SRPK3: variants seen among roughly 807,000 people sequenced by gnomAD.
SRPK3 encodes the protein SRSF protein kinase 3.
Under a neutral mutation model 45.3 loss-of-function variants are expected in SRPK3, and 26 were observed. That is an observed-to-expected ratio of 0.57 (90% CI 0.42 to 0.80). The LOEUF is 0.80. SRPK3 is among the 30% of genes least tolerant of loss of function. The probability of loss-of-function intolerance (pLI) is 0.00; values close to 1 mark genes in which losing one functional copy is unlikely to be tolerated. For synonymous variants in SRPK3, 254 were observed against 226.6 expected, an observed-to-expected ratio of 1.12 and a Z score of -1.09; for missense variants, 536 against 514.5, an observed-to-expected ratio of 1.04 and a Z score of -0.40.
At chrX:153,783,272 C>T (rs1176349038) in intron 8 of SRPK3, 21 bp downstream of exon 8, 24 of 1,163,604 alleles carry the variant, frequency 2.1e-5, no homozygotes, top group Non-Finnish European at 2.7e-5. Flanking sequence ...GGGCCCCTCT[C>T]TCCCATGCCT....
At chrX:153,783,277 A>G (rs782798674) in intron 8 of SRPK3, 26 bp downstream of exon 8, 9 of 1,144,331 alleles carry the variant, frequency 7.9e-6, no homozygotes, top group Non-Finnish European at 1.1e-5. Flanking sequence ...CCTCTCTCCC[A>G]TGCCTCCTCT....
In SRPK3 at chrX:153,785,532, G is replaced by A. The variant is rs782510646; in HGVS notation, c.*12G>A. ...GGCTCAACCCCTAGGCCCGGCTGTG[G>A]CTCCACCTCCAGCTCTCCGTGCCTT... On this transcript the variant is annotated 3_prime_UTR_variant, in exon 15 of 15. Transcript: ENST00000370101. 1 of 1,198,850 alleles carries A rather than the reference G, an allele frequency of 8.3e-7. No individual in the cohort carries two copies. Among genetic ancestry groups the A allele is most frequent in the African/African-American group, 1.7e-5 (1 of 57,660 alleles).
Position 153,783,264 on chromosome X carries a change from G to A in SRPK3, c.774+13G>A, listed in dbSNP as rs781963028. On this transcript the variant is annotated intron_variant, in intron 8 of 14. Transcript: ENST00000370101. The stretch of plus-strand genomic sequence containing the variant: ...CCAGGAGGTCTTGGTAAGTTGGGGG[G>A]CCCCTCTCTCCCATGCCTCCTCTCC... 3.4e-6 allele frequency: 4 copies of A among 1,190,143 alleles called. No homozygotes were observed. Among genetic ancestry groups the A allele is most frequent in the Admixed American group, 2.2e-5 (1 of 44,996 alleles).
At chrX:153,782,245 C>T (rs1397255518) in intron 5 of SRPK3, 37 bp downstream of exon 5, 1 of 1,121,879 alleles carries the variant, frequency 8.9e-7, no homozygotes, top group Non-Finnish European at 1.2e-6. Flanking sequence ...GTGTGGCAGC[C>T]AAGGGCCGGC....
rs782091788 is a variant in SRPK3 at position 153,785,392 on chromosome X, G to A, written c.1576G>A (p.Glu526Lys). ...KHWGLYEVLM[E>K]KYEWPLEQAT... ...CTGGGGCCTGTACGAGGTACTCATGGAAAAGTACGAGTGGCCCCTAGAGCA... is the reference window on the plus strand; with the variant it reads ...CTGGGGCCTGTACGAGGTACTCATGAAAAAGTACGAGTGGCCCCTAGAGCA... Residue 526 changes from glutamate (E) to lysine (K), a missense_variant, in exon 15 of 15, where the codon GAA (glutamate) becomes AAA (lysine). Transcript: ENST00000370101. 3 of 1,210,827 alleles carry A rather than the reference G, an allele frequency of 2.5e-6. No homozygotes were observed. Among genetic ancestry groups the A allele is most frequent in the Non-Finnish European group, 2.2e-6 (2 of 895,027 alleles).
At chrX:153,781,416 A>G (rs949708579) in intron 2 of SRPK3, 70 bp downstream of exon 2, 1 of 1,168,708 alleles carries the variant, frequency 8.6e-7, no homozygotes, top group Non-Finnish European at 1.1e-6. Flanking sequence ...CTGGGCCCAC[A>G]TGGGCCAGAT....
chrX:153,783,324 C>T, intron 8 of SRPK3, 73 bp downstream of exon 8: 1 of 740,075 alleles, frequency 1.4e-6, no homozygotes, highest in Non-Finnish European at 2.0e-6. Context: ...TCTGGAGCCA[C>T]AGTGGCTCCA....
chrX:153,782,717 G>A, intron 5 of SRPK3, 55 bp from the exon 6 acceptor site: 1 of 1,110,392 alleles, frequency 9.0e-7, no homozygotes, highest in Non-Finnish European at 1.2e-6. Flanking sequence ...GCTGAGGGTG[G>A]GTGGGGCCTG....
At chrX:153,783,139 GCTGGGTCGGGGCCT>G in intron 7 of SRPK3, 21 bp downstream of exon 7, 1 of 1,183,268 alleles carries the variant, frequency 8.5e-7, no homozygotes, top group Non-Finnish European at 1.1e-6. Flanking sequence ...CCCACATGGG[GCTGGGTCGGGGCCT>G]CTGGGCCTGA....
rs782657121 is a variant in SRPK3, at chrX:153,783,963, C to G, written c.908-11C>G. On this transcript the variant is annotated splice_polypyrimidine_tract_variant and intron_variant, in intron 9 of 14. Coordinates refer to ENST00000370101, the MANE Select transcript of SRPK3 (RefSeq NM_014370.4). The stretch of plus-strand genomic sequence containing the variant: ...ATCTGCTCAGCAGCTGCCTCCACCC[C>G]GTCTCCCCAGACTCTGGCTTGAGAC... The G allele has an allele frequency of 8.3e-7, 1 of 1,197,804 alleles. No homozygotes were observed. Among genetic ancestry groups the G allele is most frequent in the Non-Finnish European group, 1.1e-6 (1 of 888,172 alleles).
rs4898442 is a variant in SRPK3 at position 153,783,899 on chromosome X, A to C, written c.907+15A>C. The stretch of plus-strand genomic sequence containing the variant: ...CCAGGCTGAGGGTGAGGGGCCACAG[A>C]GGGTGATGGGCCGTGGAGCGCAGCA... On this transcript the variant is annotated intron_variant, in intron 9 of 14. Coordinates refer to ENST00000370101, the MANE Select transcript of SRPK3 (RefSeq NM_014370.4). 3.1e-5 allele frequency: 37 copies of C among 1,188,210 alleles called. No individual in the cohort carries two copies. In the East Asian group the frequency reaches 4.0e-4, roughly 13 times the overall value.
Position 153,781,547 on chromosome X carries a change from G to A in SRPK3, c.233G>A (p.Arg78Gln), listed in dbSNP as rs782223411. Residue 78 changes from arginine to glutamine, a missense_variant, in exon 3 of 15, where the codon CGG becomes CAG. Coordinates refer to ENST00000370101, the MANE Select transcript of SRPK3 (RefSeq NM_014370.4). The part of the protein sequence containing the change: ...PVKIGDVFNG[R>Q]YHVVRKLGWG... ...AAGATCGGCGACGTGTTCAATGGGCGGTACCACGTGGTGCGCAAACTGGGC... is the reference window on the plus strand; with the variant it reads ...AAGATCGGCGACGTGTTCAATGGGCAGTACCACGTGGTGCGCAAACTGGGC... 10 of 1,209,448 alleles carry A rather than the reference G, an allele frequency of 8.3e-6. No individual in the cohort carries two copies. The highest frequency in any genetic ancestry group is 3.5e-5 in the South Asian group (2 of 56,846).
chrX:153,784,707 A>ATCCC (rs782530361), intron 11 of SRPK3, 43 bp from the exon 12 acceptor site: 7 of 1,190,977 alleles, frequency 5.9e-6, no homozygotes, highest in South Asian at 3.6e-5. Context: ...GGGGCAGGAC[A>ATCCC]GCCTTGGCCC....
Position 153,781,152 on chromosome X carries a change from C to A in SRPK3, c.59+7C>A, listed in dbSNP as rs1557066647. 1 of 1,166,821 alleles carries A rather than the reference C, an allele frequency of 8.6e-7. No individual in the cohort carries two copies. The highest frequency in any genetic ancestry group is 1.1e-6 in the Non-Finnish European group (1 of 874,339). ...GCGGCGGCAGTAGCAGCAGGTAGGG[C>A]TCGGCTGGGGCACCCGGAGCCCCTG... On this transcript the variant is annotated splice_region_variant and intron_variant, in intron 1 of 14. Transcript: ENST00000370101.
intron 4 of SRPK3, 92 bp downstream of exon 4, chrX:153,781,922 A>C (rs1227399315): frequency 1.9e-6 from 2 of 1,052,464 alleles, no homozygotes. Flanking sequence ...TCTGTGGGGC[A>C]GGGCGGGGCT....
rs782397842 is a variant in SRPK3, at chrX:153,785,485, G to A, written c.1669G>A (p.Ala557Thr). 2.4e-5 allele frequency: 29 copies of A among 1,208,618 alleles called. No homozygotes were observed. The East Asian group carries it at 3.0e-4, about 12-fold the overall frequency. ...CATCCCCGAAAAGCGGGCCAGTGCC[G>A]CTGACTGCCTCCAGCACCCCTGGCT... Reference protein sequence around the residue: ...EYIPEKRASAADCLQHPWLNP With the variant: ...EYIPEKRASATDCLQHPWLNP Residue 557 changes from alanine to threonine, a missense_variant, in exon 15 of 15, where the codon GCT becomes ACT. Ala to Thr is a moderately conservative substitution (Grantham distance 58). Coordinates refer to ENST00000370101, the MANE Select transcript of SRPK3 (RefSeq NM_014370.4).
chrX:153,785,315 C>T (rs372973467), intron 14 of SRPK3, 21 bp from the exon 15 acceptor site: 273 of 1,198,236 alleles, frequency 2.3e-4, no homozygotes, highest in Middle Eastern at 1.2e-3. Context: ...CAGAGCCTGA[C>T]GCCCGCTGGC....
rs1557068526 is a variant in SRPK3, at chrX:153,784,983, A to T, written c.1406A>T (p.Glu469Val). Reference protein sequence around the residue: ...GDYLFEPHSGEDYSRDEDHIA... With the variant: ...GDYLFEPHSGVDYSRDEDHIA... ...TACCTGTTCGAGCCGCATTCTGGAG[A>T]AGACTACAGTCGTGATGAGGGTAAG... The change falls in exon 13 of 15, where the codon GAA (glutamate) becomes GTA (valine). Residue 469 changes from glutamate to valine, a missense_variant. Physicochemically the swap from Glu to Val is moderately radical, Grantham distance 121. Coordinates refer to ENST00000370101, the MANE Select transcript of SRPK3 (RefSeq NM_014370.4). 1 of 1,211,208 alleles carries T rather than the reference A, an allele frequency of 8.3e-7. No homozygotes were observed. The highest frequency in any genetic ancestry group is 1.8e-5 in the South Asian group (1 of 56,965).
intron 4 of SRPK3, 74 bp from the exon 5 acceptor site, chrX:153,782,044 GAGA>G: frequency 7.0e-6 from 7 of 1,005,136 alleles, no homozygotes; most frequent in African/African-American, 1.9e-5. Context: ...GCTGGAGCAG[GAGA>G]AGGGTACACT....
Sources: gnomAD v4.1 joint callset for allele counts on GRCh38, gnomAD v4.1.1 for gene constraint, MANE v1.5 for transcripts, NCBI Gene and HGNC (gene_info 2026-07-23, HGNC 2026-07-21) for gene names.